OCRL: variants seen among roughly 807,000 people sequenced by gnomAD.
The protein encoded by OCRL is inositol polyphosphate 5-phosphatase OCRL.
Under a neutral mutation model 78.9 loss-of-function variants are expected in OCRL, and 8 were observed. The ratio of observed to expected loss-of-function variants is 0.10; its 90% CI spans 0.06 to 0.18. The LOEUF (loss-of-function observed/expected upper bound fraction) is 0.18, where lower values mean the gene tolerates loss of function less well. Ranked by LOEUF, OCRL falls within the 10% of genes least tolerant of loss-of-function variation. OCRL has a pLI of 1.00. For missense variants in OCRL, 454 were observed against 696.7 expected (o/e 0.65, Z 3.92); for synonymous variants, 240 against 235.4 (o/e 1.02, Z -0.18).
At chrX:129,588,306 G>T (rs758579513) in intron 21 of OCRL, 43 bp downstream of exon 21, 1 of 924,271 alleles carries the variant, frequency 1.1e-6, no homozygotes, top group Non-Finnish European at 1.6e-6. Flanking sequence ...ATGAGTACTT[G>T]ATCAAACTCT....
intron 1 of OCRL, 105 bp from the exon 2 acceptor site, chrX:129,540,639 G>A: frequency 1.5e-6 from 1 of 675,647 alleles, no homozygotes; most frequent in Non-Finnish European, 2.2e-6. Flanking sequence ...GGGGCGGGGC[G>A]GGGGAGGGCG....
At position 129,540,346 on chromosome X, in the gene OCRL, A is replaced by G. The variant is rs1453006430; in HGVS notation, c.-94A>G. 1.0e-6 allele frequency: 1 copy of G among 980,116 alleles called. No homozygotes were observed. The highest frequency in any genetic ancestry group is 1.4e-6 in the Non-Finnish European group (1 of 716,540). The allele number at this position is 980,116 out of a possible 1,213,427, so 80.8% of individuals were successfully genotyped here. A position where few individuals can be genotyped will look rare whatever the true frequency, so the allele number is the denominator to read the frequency against. On this transcript the variant is annotated 5_prime_UTR_variant, in exon 1 of 24. Transcript: ENST00000371113. ...GGCGCGGAGCTGTTCCTCAAACGAC[A>G]CGCAGCCGAGGTGGGTGGGTGTGGG... is the stretch of plus-strand genomic sequence containing the variant.
Position 129,558,919 on chromosome X carries a change from A to G in OCRL, c.640A>G (p.Thr214Ala), listed in dbSNP as rs1011672078. Residue 214 changes from threonine to alanine, a missense_variant, in exon 8 of 24, where the codon ACC becomes GCC. Transcript: ENST00000371113. The part of the protein sequence containing the change: ...NTMRKLFVPN[T>A]QSGQREGLIK... Reference sequence around the variant, plus strand: ...CATGCGGAAGCTCTTTGTACCAAATACCCAATCTGGGCAGCGGGAGGGTCT... The same window carrying G: ...CATGCGGAAGCTCTTTGTACCAAATGCCCAATCTGGGCAGCGGGAGGGTCT... 5 of 1,211,305 alleles carry G rather than the reference A, an allele frequency of 4.1e-6. No individual in the cohort carries two copies. Among genetic ancestry groups the G allele is most frequent in the Non-Finnish European group, 5.6e-6 (5 of 894,990 alleles).
chrX:129,575,602 G>C (rs1936358754), intron 16 of OCRL: 1 of 392,981 alleles, frequency 2.5e-6, no homozygotes, highest in Admixed American at 4.4e-5. Context: ...TCAGAAACCA[G>C]GACTTGGTCA....
chrX:129,583,388 G>C lies in OCRL; in HGVS notation c.2116-956G>C, dbSNP rs777457825. 6.2e-5 allele frequency among the ~76,000 whole-genome samples: 7 copies of C among 112,101 alleles called. No homozygotes were observed. In the East Asian group the frequency reaches 2.0e-3, roughly 32 times the overall value. ...TTTGAATTGTCTAACGGAACATAGT[G>C]ATAATGACTGTGGAGTTGGTCAGAC... On this transcript the variant is annotated intron_variant, in intron 18 of 23. Transcript: ENST00000371113.
chrX:129,549,216 T>G (rs1935928639), intron 4 of OCRL, among the ~76,000 whole-genome samples: 1 of 112,287 alleles, frequency 8.9e-6, no homozygotes, highest in Non-Finnish European at 1.9e-5. Flanking sequence ...TTTATCTGTT[T>G]GAAGCAAATC....
rs188796669 is a variant in OCRL at position 129,565,106 on chromosome X, G to A, written c.1245-666G>A. Among the ~76,000 whole-genome samples the A allele has an allele frequency of 1.1e-4, 12 of 111,901 alleles. No homozygotes were observed. In the East Asian group the frequency reaches 3.4e-3, roughly 31 times the overall value. ...ATGTTGCATTTGAGATTGTCAGAAT[G>A]ACCCATTGGGAACTTGAGCTCACTC... On this transcript the variant is annotated intron_variant, in intron 12 of 23. Transcript: ENST00000371113.
intron 15 of OCRL, among the ~76,000 whole-genome samples, chrX:129,570,923 T>C (rs59858510): frequency 0.01 from 1,142 of 112,594 alleles, 15 homozygotes; most frequent in African/African-American, 0.034. Flanking sequence ...AATTTGATTA[T>C]ACACAGGCCA....
chrX:129,571,713 G>A (rs1381016702), intron 15 of OCRL, among the ~76,000 whole-genome samples: 1 of 110,986 alleles, frequency 9.0e-6, no homozygotes, highest in Non-Finnish European at 1.9e-5. Flanking sequence ...CAGGCTTCCT[G>A]TGTATTTATG....
intron 10 of OCRL, among the ~76,000 whole-genome samples, chrX:129,561,505 C>A (rs767124178): frequency 9.0e-6 from 1 of 111,213 alleles, no homozygotes; most frequent in African/African-American, 3.3e-5. Context: ...GCTTAGATAG[C>A]TTTTAGGGGA....
intron 10 of OCRL, 45 bp from the exon 11 acceptor site, chrX:129,562,337 AAG>A: frequency 1.0e-6 from 1 of 965,911 alleles, no homozygotes; most frequent in African/African-American, 1.9e-5. Context: ...AAATGTGGCA[AAG>A]ATTGGTATTA....
intron 16 of OCRL, 138 bp from the exon 17 acceptor site, chrX:129,575,759 G>A (rs1481843372): frequency 3.1e-6 from 2 of 648,638 alleles, no homozygotes; most frequent in Non-Finnish European, 5.0e-6. Flanking sequence ...TTGTGAAGTT[G>A]GTTCAGTTGG....
intron 18 of OCRL, among the ~76,000 whole-genome samples, chrX:129,583,772 G>A (rs1021963585): frequency 1.2e-4 from 13 of 111,328 alleles, no homozygotes; most frequent in Admixed American, 3.8e-4. Flanking sequence ...CTTCTGATCC[G>A]CAAAGGTCTG....
Position 129,589,906 on chromosome X carries a change from G to A in OCRL, c.2531G>A (p.Arg844Gln), listed in dbSNP as rs774250873. ...NVFRYLMAFL[R>Q]ELLKFSEYNS... is the part of the protein sequence containing the mutation. ...TTCCGTTACTTGATGGCATTCCTTC[G>A]AGAACTCTTAAAATTCTCTGAATAC... Residue 844 changes from arginine to glutamine, a missense_variant, in exon 23 of 24, where the codon CGA (arginine) becomes CAA (glutamine). This residue lies in a region of OCRL where 277 missense variants were observed against 517.1 expected (regional missense o/e 0.54). Coordinates refer to ENST00000371113, the MANE Select transcript of OCRL (RefSeq NM_000276.4). The A allele has an allele frequency of 1.4e-5, 17 of 1,208,555 alleles. No homozygotes were observed. The highest frequency in any genetic ancestry group is 3.5e-5 in the African/African-American group (2 of 57,121).
intron 3 of OCRL, among the ~76,000 whole-genome samples, chrX:129,545,749 A>T (rs1935870067): frequency 8.9e-6 from 1 of 112,313 alleles, no homozygotes; most frequent in African/African-American, 3.2e-5. Context: ...TAGCAGAAGC[A>T]TTCTGTATCA....
At chrX:129,585,531 A>C (rs1482739456) in intron 19 of OCRL, among the ~76,000 whole-genome samples, 3 of 112,299 alleles carry the variant, frequency 2.7e-5, no homozygotes, top group African/African-American at 9.7e-5. Flanking sequence ...GAGTTAGCAG[A>C]GTGCATGATG....
At chrX:129,563,995 C>A (rs1352057420) in intron 12 of OCRL, among the ~76,000 whole-genome samples, 1 of 108,227 alleles carries the variant, frequency 9.2e-6, no homozygotes, top group Non-Finnish European at 1.9e-5. Context: ...GGCTAATATC[C>A]AGAATCTACA....
intron 4 of OCRL, among the ~76,000 whole-genome samples, chrX:129,556,307 C>A (rs1366251620): frequency 9.0e-6 from 1 of 111,433 alleles, no homozygotes. Flanking sequence ...GACCAGCAAG[C>A]CTTATTTGCC....
chrX:129,567,548 G>T (rs1466729532), intron 14 of OCRL, among the ~76,000 whole-genome samples, 185 bp downstream of exon 14: 1 of 112,261 alleles, frequency 8.9e-6, no homozygotes, highest in Non-Finnish European at 1.9e-5. Flanking sequence ...ACTCAAAGGT[G>T]AGCCTATCTT....
Sources: allele counts gnomAD v4.1 joint callset (sites outside exome capture counted in the v4.1 genomes callset), GRCh38; gene constraint gnomAD v4.1.1; regional missense constraint gnomAD v4.1.1; transcripts MANE v1.5; gene names NCBI Gene and HGNC (gene_info 2026-07-23, HGNC 2026-07-21).